ATRNL1: variants seen among roughly 807,000 people sequenced by gnomAD.
ATRNL1 encodes the protein attractin-like protein 1.
Under a neutral mutation model 182.7 loss-of-function variants are expected in ATRNL1, and 95 were observed. The observed-to-expected ratio is 0.52, with a 90% CI of 0.44 to 0.62. The LOEUF (loss-of-function observed/expected upper bound fraction) is 0.62. Among genes scored for constraint, ATRNL1 ranks in the 20% least tolerant of loss-of-function variants. ATRNL1 has a pLI of 0.00. For missense variants in ATRNL1, 1,471 were observed against 1,679.5 expected (o/e 0.88, Z 2.17); for synonymous variants, 576 against 568.3 (o/e 1.01, Z -0.19).
chr10:115,485,236 T>C (rs1351845979), intron 24 of ATRNL1, among the ~76,000 whole-genome samples: 1 of 152,060 alleles, frequency 6.6e-6, no homozygotes, highest in African/African-American at 2.4e-5. Context: ...GAAACCATAG[T>C]AGAATTTCCC....
chr10:115,239,764 T>G (rs1262871608), intron 9 of ATRNL1, among the ~76,000 whole-genome samples: 4 of 152,076 alleles, frequency 2.6e-5, no homozygotes, highest in Non-Finnish European at 2.9e-5. Context: ...TTGGGTCCAA[T>G]GTTGTTAGCC....
chr10:115,905,346 G>C (rs782486685), intron 28 of ATRNL1, among the ~76,000 whole-genome samples: 1 of 151,648 alleles, frequency 6.6e-6, no homozygotes. Context: ...TCAGCCTCCC[G>C]AGTAGCTGGG....
chr10:115,885,779 A>G (rs782099920), intron 28 of ATRNL1, among the ~76,000 whole-genome samples: 1 of 152,142 alleles, frequency 6.6e-6, no homozygotes, highest in Non-Finnish European at 1.5e-5. Flanking sequence ...CTTTTATCAT[A>G]TTTCTCATGA....
chr10:115,384,952 A>G (rs1592570280), intron 19 of ATRNL1, among the ~76,000 whole-genome samples: 1 of 150,382 alleles, frequency 6.6e-6, no homozygotes, highest in Non-Finnish European at 1.5e-5. Context: ...GAGCAATATT[A>G]TTTGTTAATA....
intron 26 of ATRNL1, among the ~76,000 whole-genome samples, chr10:115,632,863 CTTTTTATTTTATTTT>C (rs1414177253): frequency 3.8e-5 from 3 of 79,376 alleles, no homozygotes; most frequent in African/African-American, 1.3e-4. Flanking sequence ...CTCACATTAA[CTTTTTATTTTATTTT>C]ATTTTATTTT....
intron 3 of ATRNL1, among the ~76,000 whole-genome samples, chr10:115,127,364 AAATG>A (rs1554873797): frequency 1.3e-5 from 2 of 152,170 alleles, no homozygotes; most frequent in Non-Finnish European, 2.9e-5. Context: ...ATAAGAAAAA[AAATG>A]GGGTACAGTG....
chr10:115,362,662 C>T (rs1856805725), intron 19 of ATRNL1, among the ~76,000 whole-genome samples: 1 of 151,898 alleles, frequency 6.6e-6, no homozygotes, highest in African/African-American at 2.4e-5. Flanking sequence ...CAATGCTATC[C>T]CTCCCACCTC....
chr10:115,258,303 G>A (rs1851244632), intron 10 of ATRNL1, among the ~76,000 whole-genome samples: 1 of 152,052 alleles, frequency 6.6e-6, no homozygotes, highest in Admixed American at 6.6e-5. Flanking sequence ...TGGAGGCTTT[G>A]TTCATTTCTT....
chr10:115,254,921 G>A (rs1338140085), intron 10 of ATRNL1, among the ~76,000 whole-genome samples: 2 of 152,056 alleles, frequency 1.3e-5, no homozygotes, highest in African/African-American at 2.4e-5. Flanking sequence ...GTTTTTGTCA[G>A]GTTTGTCAAA....
intron 28 of ATRNL1, among the ~76,000 whole-genome samples, chr10:115,912,778 C>T (rs1041207190): frequency 1.7e-4 from 26 of 152,204 alleles, no homozygotes; most frequent in Middle Eastern, 6.8e-3. Context: ...ATGTCAACCA[C>T]AATTAATTCT....
intron 27 of ATRNL1, chr10:115,820,158 A>T (rs192728674): frequency 1.2e-3 from 188 of 152,280 alleles, no homozygotes; most frequent in African/African-American, 3.9e-3. Flanking sequence ...CACTCTAAAA[A>T]TCACTGAGGT....
At chr10:115,407,985 CTTTTTTTTTT>C (rs71010022) in intron 20 of ATRNL1, among the ~76,000 whole-genome samples, 1,196 of 97,748 alleles carry the variant, frequency 0.012, 11 homozygotes, top group African/African-American at 0.053. Context: ...ATTTGCATTT[CTTTTTTTTTT>C]TTTTTTTTTT....
intron 26 of ATRNL1, among the ~76,000 whole-genome samples, chr10:115,587,069 G>C (rs188367086): frequency 0.16 from 23,291 of 147,850 alleles, 2,388 homozygotes; most frequent in Non-Finnish European, 0.22. Flanking sequence ...GCTGCTCGGG[G>C]GTCAGGGGTC....
intron 27 of ATRNL1, among the ~76,000 whole-genome samples, chr10:115,817,069 C>T (rs1950182192): frequency 6.6e-6 from 1 of 152,080 alleles, no homozygotes; most frequent in Non-Finnish European, 1.5e-5. Flanking sequence ...ATAGACCCTT[C>T]AGAATCCCCA....
At chr10:115,219,318 G>C (rs1849354582) in intron 9 of ATRNL1, among the ~76,000 whole-genome samples, 1 of 152,038 alleles carries the variant, frequency 6.6e-6, no homozygotes, top group African/African-American at 2.4e-5. Flanking sequence ...TGTGAGTTGA[G>C]GGCATGTACT....
At chr10:115,326,904 C>T (rs1406950112) in intron 18 of ATRNL1, among the ~76,000 whole-genome samples, 1 of 152,116 alleles carries the variant, frequency 6.6e-6, no homozygotes, top group Non-Finnish European at 1.5e-5. Flanking sequence ...AAACTGGATC[C>T]CTTCCTTACA....
chr10:115,763,800 G>T (rs782708912), intron 27 of ATRNL1, among the ~76,000 whole-genome samples: 3 of 152,076 alleles, frequency 2.0e-5, no homozygotes, highest in Admixed American at 2.0e-4. Context: ...ATTTAAAAAT[G>T]TATGTATGTT....
intron 8 of ATRNL1, among the ~76,000 whole-genome samples, chr10:115,199,853 T>C (rs1848494845): frequency 6.6e-6 from 1 of 152,196 alleles, no homozygotes; most frequent in African/African-American, 2.4e-5. Flanking sequence ...TGAATGCTTC[T>C]ATTCAGAATG....
intron 26 of ATRNL1, among the ~76,000 whole-genome samples, chr10:115,721,674 C>A (rs1947430034): frequency 6.6e-6 from 1 of 152,152 alleles, no homozygotes. Context: ...CCCACTCGGT[C>A]CCTCCCACAA....
Sources: allele counts gnomAD v4.1 joint callset (sites outside exome capture counted in the v4.1 genomes callset), GRCh38; gene constraint gnomAD v4.1.1; transcripts MANE v1.5; gene names NCBI Gene and HGNC (gene_info 2026-07-23, HGNC 2026-07-21).